Variants in AKT1S1 observed in about 807,000 individuals in gnomAD.
AKT1S1 encodes AKT1 substrate 1.
AKT1S1 carries 17 observed loss-of-function variants against 21.2 expected under a neutral mutation model. That is an observed-to-expected ratio of 0.80 (90% CI 0.55 to 1.20). The LOEUF (loss-of-function observed/expected upper bound fraction) is 1.20, where lower values mean the gene tolerates loss of function less well. AKT1S1 is among the 50% of genes most tolerant of loss of function. The pLI, the probability that AKT1S1 is intolerant of heterozygous loss-of-function variation, is 0.00. For missense variants in AKT1S1, 366 were observed against 368.3 expected, an observed-to-expected ratio of 0.99 and a Z score of 0.05; for synonymous variants, 181 against 165.6, an observed-to-expected ratio of 1.09 and a Z score of -0.72.
At chr19:49,871,415 C>T in intron 4 of AKT1S1, 132 bp downstream of exon 4, 1 of 1,247,770 alleles carries the variant, frequency 8.0e-7, no homozygotes, top group Admixed American at 1.8e-5. Context: ...CAAGAACTCG[C>T]CTCTTGAGGT....
Position 49,871,659 on chromosome 19 carries a change from G to A in AKT1S1, c.515C>T (p.Ala172Val), listed in dbSNP as rs776883063. The change falls in exon 4 of 5, where the codon GCC becomes GTC. Residue 172 changes from alanine (A) to valine (V), a missense_variant. Physicochemically the swap from Ala to Val is moderately conservative, Grantham distance 64. Coordinates refer to ENST00000344175, the MANE Select transcript of AKT1S1 (RefSeq NM_001098633.4). ...GTACTGCTGTGTGGGTAGGGCTGAG[G>A]CTGGGGGCACTGAGCAGGTGGGGGG... is the stretch of plus-strand genomic sequence containing the variant. ...AGPPTCSVPP[A>V]SALPTQQYAK... The A allele has an allele frequency of 3.7e-6, 6 of 1,613,858 alleles. No individual in the cohort carries two copies. The highest frequency in any genetic ancestry group is 2.2e-5 in the East Asian group (1 of 44,894).
chr19:49,875,440 T>C (rs1033031676), intron 1 of AKT1S1, among the ~76,000 whole-genome samples: 20 of 151,966 alleles, frequency 1.3e-4, no homozygotes, highest in African/African-American at 4.1e-4. Context: ...CTGAAACTGC[T>C]GACTGCCCAG....
In AKT1S1 at chr19:49,876,234, G is replaced by T. The variant is rs574260375; in HGVS notation, c.-8+1003C>A. ...GTCCAGGGAGGACCCACTGGTCTAG[G>T]AAGAAAACAGGAAATCCCGCCCAGA... On this transcript the variant is annotated intron_variant, in intron 1 of 4. Transcript: ENST00000344175. The T allele has an allele frequency of 1.9e-4, 200 of 1,077,050 alleles. 1 individual carries two copies. In the African/African-American group the frequency reaches 3.0e-3, roughly 16 times the overall value. The allele number at this position is 1,077,050 out of a possible 1,614,324, so 66.7% of individuals were successfully genotyped here.
At chr19:49,870,792 C>G (rs2074875105) in intron 4 of AKT1S1, among the ~76,000 whole-genome samples, 1 of 152,212 alleles carries the variant, frequency 6.6e-6, no homozygotes, top group Non-Finnish European at 1.5e-5. Flanking sequence ...CCATGAGTCG[C>G]AAGCACAGAG....
rs866325660 is a variant in AKT1S1, at chr19:49,870,000, C to A, written c.688G>T (p.Ala230Ser). 1 of 1,547,030 alleles carries A rather than the reference C, an allele frequency of 6.5e-7. No homozygotes were observed. The highest frequency in any genetic ancestry group is 2.5e-5 in the East Asian group (1 of 39,904). The change falls in exon 5 of 5, where the codon GCC (alanine) becomes TCC (serine). Residue 230 changes from alanine to serine, a missense_variant. Physicochemically the swap from Ala to Ser is moderately conservative, Grantham distance 99 (BLOSUM62 1). Coordinates refer to ENST00000344175, the MANE Select transcript of AKT1S1 (RefSeq NM_001098633.4). ...TCCCCGAAGACCTGGGTGTCCTCGG[C>A]CTCTCGCAGCACCAGCGCGCGCATG... Reference protein sequence around the residue: ...ASMRALVLREAEDTQVFGDLP... With the variant: ...ASMRALVLRESEDTQVFGDLP...
chr19:49,876,323 C>T, intron 1 of AKT1S1: 1 of 1,210,852 alleles, frequency 8.3e-7, no homozygotes, highest in South Asian at 4.0e-5. Context: ...CCCCCCAAAC[C>T]ATCCCCCGAC....
chr19:49,878,270 C>A, upstream of AKT1S1: 4 of 1,545,860 alleles, frequency 2.6e-6, no homozygotes, highest in Non-Finnish European at 3.5e-6. Flanking sequence ...GGGCTCGGAC[C>A]CGCTCCGAGC....
rs201267986 is a variant in AKT1S1 at position 49,873,059 on chromosome 19, C to A, written c.237G>T (p.Ala79=). 6,875 of 1,555,184 alleles carry A rather than the reference C, an allele frequency of 4.4e-3. 22 individuals are homozygous for A. The highest frequency in any genetic ancestry group is 5.4e-3 in the Non-Finnish European group (6,208 of 1,151,114). ...TGGGTGGCTGTGGTGCTGGTGGGGGCGCAGGAGGCCGAGCAGCAGTGGCAG... is the reference window on the plus strand; with the variant it reads ...TGGGTGGCTGTGGTGCTGGTGGGGGAGCAGGAGGCCGAGCAGCAGTGGCAG... ...HRAATAARPP[A]PPPAPQPPSP... is the part of the protein sequence containing the mutation. The change falls in exon 2 of 5, where the codon GCG becomes GCT. Residue 79 remains alanine (A), a synonymous_variant. Transcript: ENST00000344175. This position sits in a 1 kb window ranked among gnomAD's most constrained non-coding sequence, Gnocchi z 6.9.
upstream of AKT1S1, chr19:49,878,282 G>T (rs1324642373): frequency 6.5e-7 from 1 of 1,530,332 alleles, no homozygotes; most frequent in Admixed American, 2.0e-5. Flanking sequence ...GCTCCGAGCG[G>T]GATGCAGGCG....
chr19:49,873,305 G>A lies in AKT1S1; in HGVS notation c.-7-3C>T. The stretch of plus-strand genomic sequence containing the variant: ...GGCGCCCCGACGCCATCCGCGCCCT[G>A]CGGGCCAGAGCAGGACAGAGGGGGC... On this transcript the variant is annotated splice_region_variant and splice_polypyrimidine_tract_variant and intron_variant, in intron 1 of 4. Transcript: ENST00000344175. The surrounding 1 kb of genome is among the most constrained non-coding windows in gnomAD (Gnocchi z 6.9). The A allele has an allele frequency of 6.8e-7, 1 of 1,477,914 alleles. No individual in the cohort carries two copies. Among genetic ancestry groups the A allele is most frequent in the East Asian group, 2.7e-5 (1 of 36,788 alleles). 91.6% of individuals were successfully genotyped at this position (1,477,914 alleles called of 1,614,324 possible).
intron 1 of AKT1S1, chr19:49,875,308 G>T (rs1316722854): frequency 6.6e-6 from 1 of 150,646 alleles, no homozygotes; most frequent in Non-Finnish European, 1.5e-5. Context: ...GGCTCAGAGA[G>T]CTTAGGACAC....
chr19:49,873,509 T>C lies in AKT1S1; in HGVS notation c.-7-207A>G. 1.1e-6 allele frequency: 1 copy of C among 938,910 alleles called. No individual in the cohort carries two copies. The allele number at this position is 938,910 out of a possible 1,614,324, so 58.2% of individuals were successfully genotyped here. ...AGGCCCAGACCCTGGCGACGTCCTC[T>C]GCCCCAACCCATTCCTCCTGCCCCA... On this transcript the variant is annotated intron_variant, in intron 1 of 4. Coordinates refer to ENST00000344175, the MANE Select transcript of AKT1S1 (RefSeq NM_001098633.4). The surrounding 1 kb of genome is among the most constrained non-coding windows in gnomAD (Gnocchi z 6.9).
intron 2 of AKT1S1, among the ~76,000 whole-genome samples, chr19:49,872,193 G>A (rs1450114983): frequency 6.6e-6 from 1 of 152,184 alleles, no homozygotes; most frequent in Non-Finnish European, 1.5e-5. Context: ...AACATGCAAT[G>A]ACTATGACCT....
intron 1 of AKT1S1, chr19:49,876,666 T>G (rs1023071384): frequency 1.3e-6 from 2 of 1,490,790 alleles, no homozygotes; most frequent in Non-Finnish European, 9.0e-7. Context: ...GGCGGCGCCT[T>G]GCGTCACGTC....
At chr19:49,878,187 G>A (rs1568671743), upstream of AKT1S1, 1 of 1,574,608 alleles carries the variant, frequency 6.4e-7, no homozygotes, top group Non-Finnish European at 8.6e-7. Context: ...CCAGCGCTAA[G>A]AAGTATCAGG....
At chr19:49,876,359 G>T in intron 1 of AKT1S1, 1 of 1,200,128 alleles carries the variant, frequency 8.3e-7, no homozygotes, top group South Asian at 3.8e-5. Flanking sequence ...CACGGCCCAG[G>T]TAGAGATCCC....
chr19:49,878,170 C>T, upstream of AKT1S1: 1 of 1,578,022 alleles, frequency 6.3e-7, no homozygotes, highest in Non-Finnish European at 8.6e-7. Context: ...CGGAGTGTAC[C>T]TGCACACCAG....
At chr19:49,877,941 C>T (rs1007634796), upstream of AKT1S1, 18 of 730,120 alleles carry the variant, frequency 2.5e-5, no homozygotes, top group African/African-American at 3.1e-4. Context: ...CCGGCTCAGG[C>T]GACTCCTTGA....
chr19:49,871,947 GTCC>G lies in AKT1S1; in HGVS notation c.380-61_380-59del, dbSNP rs1280822467. ...GGCAGCACCTAGCCATGCTCCATGT[GTCC>G]TCCTCCTCAGCCACGGCCACTGCCA... On this transcript the variant is annotated intron_variant, in intron 2 of 4. Transcript: ENST00000344175. 4.5e-6 allele frequency: 7 copies of G among 1,559,808 alleles called. No individual in the cohort carries two copies. In the Admixed American group the frequency reaches 5.1e-5, roughly 11 times the overall value.
Sources: gnomAD v4.1 joint callset for allele counts (sites outside exome capture counted in the v4.1 genomes callset) on GRCh38, gnomAD v4.1.1 for gene constraint, Gnocchi (gnomAD v3.1) non-coding constraint, MANE v1.5 for transcripts, NCBI Gene and HGNC (gene_info 2026-07-23, HGNC 2026-07-21) for gene names.